PPFIBP1: variants seen among roughly 807,000 people sequenced by gnomAD.
PPFIBP1 encodes liprin-beta-1.
PPFIBP1 carries 112 observed loss-of-function variants against 137.8 expected under a neutral mutation model. The ratio of observed to expected loss-of-function variants is 0.81; its 90% CI spans 0.70 to 0.95. The LOEUF is 0.95. PPFIBP1 is among the 40% of genes least tolerant of loss of function. PPFIBP1 has a pLI of 0.00. For synonymous variants in PPFIBP1, 378 were observed against 417.3 expected (o/e 0.91, Z 1.15); for missense variants, 1,083 against 1,196.6 (o/e 0.91, Z 1.40).
chr12:27,671,286 A>G, intron 13 of PPFIBP1, 145 bp from the exon 14 acceptor site: 1 of 496,884 alleles, frequency 2.0e-6, no homozygotes, highest in Non-Finnish European at 3.6e-6. Context: ...AGATGTTTAT[A>G]TTCTGAAATC....
intron 4 of PPFIBP1, among the ~76,000 whole-genome samples, chr12:27,639,206 G>A (rs552918394): frequency 3.0e-4 from 45 of 152,178 alleles, no homozygotes; most frequent in African/African-American, 9.9e-4. Flanking sequence ...TCAGAAGTGC[G>A]TCTCCTGTGG....
intron 2 of PPFIBP1, among the ~76,000 whole-genome samples, chr12:27,603,457 C>G (rs563106013): frequency 6.6e-6 from 1 of 152,316 alleles, no homozygotes; most frequent in East Asian, 1.9e-4. Flanking sequence ...ACATAGACTA[C>G]TTTCCAACCC....
intron 21 of PPFIBP1, 152 bp from the exon 22 acceptor site, chr12:27,681,394 T>C: frequency 1.3e-6 from 1 of 771,334 alleles, no homozygotes; most frequent in Non-Finnish European, 2.1e-6. Flanking sequence ...CAGTTGTTCC[T>C]CCAATGTATA....
intron 1 of PPFIBP1, among the ~76,000 whole-genome samples, chr12:27,527,417 A>G (rs1223570547): frequency 6.6e-6 from 1 of 151,752 alleles, no homozygotes; most frequent in Admixed American, 6.6e-5. Flanking sequence ...TAATTTTTGT[A>G]TTTTTAGTAG....
At chr12:27,692,083 A>G (rs914237890) in intron 28 of PPFIBP1, among the ~76,000 whole-genome samples, 155 bp downstream of exon 28, 3 of 152,226 alleles carry the variant, frequency 2.0e-5, no homozygotes, top group African/African-American at 7.2e-5. Flanking sequence ...TATATCTTCC[A>G]GGTACCATCC....
intron 8 of PPFIBP1, chr12:27,655,329 A>T: frequency 3.5e-6 from 3 of 864,380 alleles, no homozygotes; most frequent in Non-Finnish European, 5.5e-6. Flanking sequence ...ATGTGCATTC[A>T]TTCTGTGTGT....
At position 27,612,350 on chromosome 12, in the gene PPFIBP1, T is replaced by TTTTC. The variant is rs1317342696; in HGVS notation, c.-35-21011_-35-21010insTTCT. Among the ~76,000 whole-genome samples, 4 of 147,464 alleles carry TTTTC rather than the reference T, an allele frequency of 2.7e-5. 1 individual carries two copies. Among genetic ancestry groups the TTTTC allele is most frequent in the Non-Finnish European group, 6.0e-5 (4 of 66,506 alleles). On this transcript the variant is annotated intron_variant, in intron 2 of 29. Coordinates refer to ENST00000228425, the MANE Select transcript of PPFIBP1 (RefSeq NM_003622.4). Reference sequence around the variant, plus strand: ...GGTGTTTTTTTTTTTTTTTTTTTTTTTGAGACAGGGTCTCACTCTGTCACC... The same window carrying TTTTC: ...GGTGTTTTTTTTTTTTTTTTTTTTTTTTTCTGAGACAGGGTCTCACTCTGTCACC...
At chr12:27,555,038 G>C (rs571271630) in intron 1 of PPFIBP1, among the ~76,000 whole-genome samples, 1 of 152,206 alleles carries the variant, frequency 6.6e-6, no homozygotes, top group Admixed American at 6.5e-5. Context: ...ACAGAGGCTG[G>C]GGTGGGGCGT....
rs374468566 is a variant in PPFIBP1 at position 27,673,813 on chromosome 12, G to C, written c.1366G>C (p.Glu456Gln). 7 of 1,613,510 alleles carry C rather than the reference G, an allele frequency of 4.3e-6. No homozygotes were observed. The African/African-American group carries it at 6.7e-5, about 15-fold the overall frequency. The change falls in exon 16 of 30, where the codon GAG (glutamate) becomes CAG (glutamine). Residue 456 changes from glutamate to glutamine, a missense_variant. Coordinates refer to ENST00000228425, the MANE Select transcript of PPFIBP1 (RefSeq NM_003622.4). ...KSSSLGNLKK[E>Q]TSDGEKETIQ... ...CAGCAGCCTGGGCAATCTGAAGAAAGAGACATCTGATGGGGTGGGTTCTGT... is the reference window on the plus strand; with the variant it reads ...CAGCAGCCTGGGCAATCTGAAGAAACAGACATCTGATGGGGTGGGTTCTGT...
rs748027525 is a variant in PPFIBP1, at chr12:27,672,472, T to G, written c.1308T>G (p.Cys436Trp). ...GTGCCACTGTTGATACCCAACTGTG[T>G]GATAAACTTTTGTAAGTTACATTTT... ...ILGATVDTQL[C>W]DKLLTSSLQK... Residue 436 changes from cysteine (C) to tryptophan (W), a missense_variant, in exon 15 of 30, where the codon TGT becomes TGG. Cys to Trp is a radical substitution (Grantham distance 215). Transcript: ENST00000228425. The G allele has an allele frequency of 1.9e-6, 3 of 1,606,064 alleles. No homozygotes were observed. The highest frequency in any genetic ancestry group is 1.7e-6 in the Non-Finnish European group (2 of 1,173,376).
intron 1 of PPFIBP1, among the ~76,000 whole-genome samples, chr12:27,537,592 A>C (rs1945190379): frequency 6.6e-6 from 1 of 152,140 alleles, no homozygotes; most frequent in Admixed American, 6.5e-5. Flanking sequence ...GCATGGAGAC[A>C]GGGTTGGTTT....
intron 2 of PPFIBP1, among the ~76,000 whole-genome samples, chr12:27,587,824 TA>T (rs1245182556): frequency 6.6e-6 from 1 of 152,134 alleles, no homozygotes; most frequent in Non-Finnish European, 1.5e-5. Context: ...TATTTCAGCC[TA>T]AATTTCCTAA....
intron 12 of PPFIBP1, among the ~76,000 whole-genome samples, chr12:27,665,930 A>G (rs2059829047): frequency 6.6e-6 from 1 of 152,220 alleles, no homozygotes; most frequent in Non-Finnish European, 1.5e-5. Flanking sequence ...CCTTCAGAAG[A>G]AGAGTCTCTA....
At chr12:27,660,178 C>T (rs2059454374) in intron 10 of PPFIBP1, among the ~76,000 whole-genome samples, 1 of 152,086 alleles carries the variant, frequency 6.6e-6, no homozygotes, top group Non-Finnish European at 1.5e-5. Context: ...AGGCATGAGC[C>T]ACCACACCAG....
At chr12:27,654,079 A>G (rs1447246703) in intron 7 of PPFIBP1, among the ~76,000 whole-genome samples, 2 of 152,234 alleles carry the variant, frequency 1.3e-5, no homozygotes, top group Non-Finnish European at 2.9e-5. Context: ...ACGATAATTA[A>G]AATAGTCCTC....
chr12:27,627,196 T>C (rs2056891857), intron 2 of PPFIBP1, among the ~76,000 whole-genome samples: 1 of 152,238 alleles, frequency 6.6e-6, no homozygotes, highest in Admixed American at 6.5e-5. Flanking sequence ...ATATGATGTC[T>C]CTGTTTTTAA....
At chr12:27,525,721 A>C (rs1943669492) in intron 1 of PPFIBP1, among the ~76,000 whole-genome samples, 1 of 152,146 alleles carries the variant, frequency 6.6e-6, no homozygotes, top group Non-Finnish European at 1.5e-5. Flanking sequence ...GAAAGAAGCC[A>C]CAACAGTAGG....
At chr12:27,564,961 G>GA (rs2049516220) in intron 1 of PPFIBP1, among the ~76,000 whole-genome samples, 1 of 152,142 alleles carries the variant, frequency 6.6e-6, no homozygotes, top group African/African-American at 2.4e-5. Context: ...GGCACTGCTA[G>GA]AAAAAATGAT....
intron 7 of PPFIBP1, among the ~76,000 whole-genome samples, chr12:27,653,307 C>T (rs760516880): frequency 4.1e-4 from 63 of 152,144 alleles, no homozygotes; most frequent in Non-Finnish European, 6.8e-4. Flanking sequence ...AGAAGCTGGC[C>T]GGGCACAGTG....
Sources: gnomAD v4.1 joint callset for allele counts (sites outside exome capture counted in the v4.1 genomes callset) on GRCh38, gnomAD v4.1.1 for gene constraint, MANE v1.5 for transcripts, NCBI Gene and HGNC (gene_info 2026-07-23, HGNC 2026-07-21) for gene names.